The following RPN1 variants were observed in gnomAD, a reference collection of about 807,000 sequenced individuals.
RPN1 encodes ribophorin I.
RPN1 carries 12 observed loss-of-function variants against 55.5 expected under a neutral mutation model. The observed-to-expected ratio is 0.22, with a 90% CI of 0.14 to 0.35. The LOEUF (loss-of-function observed/expected upper bound fraction) is 0.35, where lower values mean the gene tolerates loss of function less well. RPN1 is among the 10% of genes least tolerant of loss of function. The pLI, the probability that RPN1 is intolerant of heterozygous loss-of-function variation, is 1.00. For missense variants in RPN1, 679 were observed against 761.3 expected, an observed-to-expected ratio of 0.89 and a Z score of 1.27; for synonymous variants, 317 against 305.9, an observed-to-expected ratio of 1.04 and a Z score of -0.38.
In RPN1 at chr3:128,638,077, C is replaced by A. The variant is rs1459695260; in HGVS notation, c.355G>T (p.Val119Phe). ...SGRFFTVKLP[V>F]ALDPGAKISV... ...ATCTTGGCCCCAGGATCAAGAGCAA[C>A]TGGGAGCTTGACTGTGAAGAATCTC... is the stretch of plus-strand genomic sequence containing the variant. Residue 119 changes from valine (V) to phenylalanine (F), a missense_variant, in exon 3 of 10, where the codon GTT (valine) becomes TTT (phenylalanine). This residue lies in a region of RPN1 where 352 missense variants were observed against 352.8 expected (regional missense o/e 1.00). Coordinates refer to ENST00000296255, the MANE Select transcript of RPN1 (RefSeq NM_002950.4). 4 of 1,613,806 alleles carry A rather than the reference C, an allele frequency of 2.5e-6. No homozygotes were observed. Among genetic ancestry groups the A allele is most frequent in the South Asian group, 2.2e-5 (2 of 91,062 alleles).
At chr3:128,643,562 C>T (rs549109005) in intron 2 of RPN1, among the ~76,000 whole-genome samples, 125 of 151,590 alleles carry the variant, frequency 8.2e-4, no homozygotes, top group Non-Finnish European at 1.5e-3. Flanking sequence ...TTTGGGAGGC[C>T]GAGGCGGCAG....
intron 5 of RPN1, among the ~76,000 whole-genome samples, chr3:128,628,997 G>A (rs537856452): frequency 1.9e-4 from 29 of 152,240 alleles, no homozygotes; most frequent in African/African-American, 6.7e-4. Context: ...AAATTGAATA[G>A]ATTGAAAAGG....
chr3:128,635,123 A>C (rs893886060), intron 3 of RPN1, among the ~76,000 whole-genome samples: 2 of 152,058 alleles, frequency 1.3e-5, no homozygotes, highest in Non-Finnish European at 2.9e-5. Context: ...CCCCAAAAAC[A>C]ACCCCACCGT....
In RPN1 at chr3:128,643,637, A is replaced by G. The variant is rs531265721; in HGVS notation, c.326+1282T>C. ...ATGGTGAAACCCCATCTCTATTAAA[A>G]ATACAAAAATTAGCCAGGTGTGCTG... On this transcript the variant is annotated intron_variant, in intron 2 of 9. Transcript: ENST00000296255. Among the ~76,000 whole-genome samples, 82 of 152,184 alleles carry G rather than the reference A, an allele frequency of 5.4e-4. 1 individual carries two copies. The highest frequency in any genetic ancestry group is 9.7e-4 in the Non-Finnish European group (66 of 68,008).
intron 3 of RPN1, among the ~76,000 whole-genome samples, chr3:128,632,360 ACT>A (rs2069648384): frequency 6.6e-6 from 1 of 152,186 alleles, no homozygotes; most frequent in Non-Finnish European, 1.5e-5. Context: ...TATATTATTA[ACT>A]CAAAAAATAG....
At chr3:128,635,658 T>G (rs12629159) in intron 3 of RPN1, among the ~76,000 whole-genome samples, 41,481 of 90,598 alleles carry the variant, frequency 0.46, 7,199 homozygotes, top group African/African-American at 0.51. Context: ...TATATATATA[T>G]ATATATAGAT....
At chr3:128,622,100 C>G (rs1408441645) in intron 9 of RPN1, 64 bp downstream of exon 9, 5 of 1,555,968 alleles carry the variant, frequency 3.2e-6, no homozygotes, top group African/African-American at 1.4e-5. Context: ...AGTGTCTGCC[C>G]TAGACAAAGC....
intron 2 of RPN1, among the ~76,000 whole-genome samples, chr3:128,638,896 G>A (rs1210309351): frequency 6.6e-6 from 1 of 152,050 alleles, no homozygotes; most frequent in African/African-American, 2.4e-5. Flanking sequence ...AACCCGGGAG[G>A]CGGAGGTTGC....
At chr3:128,632,311 T>C (rs2069648066) in intron 3 of RPN1, among the ~76,000 whole-genome samples, 154 bp from the exon 4 acceptor site, 2 of 152,218 alleles carry the variant, frequency 1.3e-5, no homozygotes, top group African/African-American at 2.4e-5. Context: ...TTATGTTTAC[T>C]AGGACTTCTT....
intron 4 of RPN1, among the ~76,000 whole-genome samples, chr3:128,631,732 ACT>A (rs1007326876): frequency 6.6e-5 from 10 of 152,070 alleles, no homozygotes; most frequent in African/African-American, 1.9e-4. Flanking sequence ...GCAGAGTGAG[ACT>A]CTGTCTCAAA....
At chr3:128,622,028 G>A in intron 9 of RPN1, 136 bp downstream of exon 9, 1 of 864,034 alleles carries the variant, frequency 1.2e-6, no homozygotes, top group Non-Finnish European at 1.8e-6. Context: ...GGCACCACAT[G>A]AAAAGTTATG....
At chr3:128,645,256 G>A (rs968019660) in intron 1 of RPN1, among the ~76,000 whole-genome samples, 1 of 152,016 alleles carries the variant, frequency 6.6e-6, no homozygotes, top group African/African-American at 2.4e-5. Context: ...CGGATCACCT[G>A]AGGTCAGGAG....
chr3:128,637,347 A>C (rs1033506142), intron 3 of RPN1, among the ~76,000 whole-genome samples: 2 of 152,186 alleles, frequency 1.3e-5, no homozygotes, highest in Non-Finnish European at 2.9e-5. Flanking sequence ...AGTTTATACT[A>C]GTCTTTGTAC....
chr3:128,635,686 GAT>G (rs1204161460), intron 3 of RPN1, among the ~76,000 whole-genome samples: 6 of 113,232 alleles, frequency 5.3e-5, no homozygotes, highest in East Asian at 2.2e-4. Context: ...GATATCTATA[GAT>G]ATACACACAC....
intron 5 of RPN1, 83 bp from the exon 6 acceptor site, chr3:128,626,915 A>G: frequency 5.5e-6 from 7 of 1,268,558 alleles, no homozygotes; most frequent in Non-Finnish European, 8.0e-6. Context: ...GGCTCACATA[A>G]AGACAGAGCA....
At chr3:128,635,819 CAT>C (rs1468847475) in intron 3 of RPN1, among the ~76,000 whole-genome samples, 1 of 148,710 alleles carries the variant, frequency 6.7e-6, no homozygotes, top group African/African-American at 2.5e-5. Flanking sequence ...GCCATATATA[CAT>C]ATATATATAT....
chr3:128,627,148 T>G, intron 5 of RPN1: 1 of 338,062 alleles, frequency 3.0e-6, no homozygotes, highest in Non-Finnish European at 5.8e-6. Flanking sequence ...ACAACCGGGA[T>G]TCCCTAGAGA....
At chr3:128,622,507 A>C in intron 8 of RPN1, 98 bp from the exon 9 acceptor site, 1 of 1,461,784 alleles carries the variant, frequency 6.8e-7, no homozygotes, top group Non-Finnish European at 9.4e-7. Context: ...GCCATCCAAA[A>C]ATGAAATGCC....
At chr3:128,639,887 C>G (rs1472336900) in intron 2 of RPN1, among the ~76,000 whole-genome samples, 1 of 152,122 alleles carries the variant, frequency 6.6e-6, no homozygotes, top group East Asian at 1.9e-4. Flanking sequence ...GCGCCAGGCC[C>G]TAATTTGTCT....
Sources: allele counts gnomAD v4.1 joint callset (sites outside exome capture counted in the v4.1 genomes callset), GRCh38; gene constraint gnomAD v4.1.1; regional missense constraint gnomAD v4.1.1; transcripts MANE v1.5; gene names NCBI Gene and HGNC (gene_info 2026-07-23, HGNC 2026-07-21).